HS3ST4: variants seen among roughly 807,000 people sequenced by gnomAD.
HS3ST4 encodes heparan sulfate glucosamine 3-O-sulfotransferase 4.
A neutral mutation model predicts 29.2 loss-of-function variants in HS3ST4; 17 were observed. The observed-to-expected ratio is 0.58, with a 90% CI of 0.40 to 0.87. The LOEUF (loss-of-function observed/expected upper bound fraction) is 0.87, where lower values mean the gene tolerates loss of function less well. HS3ST4 is among the 40% of genes least tolerant of loss of function. The pLI, the probability that HS3ST4 is intolerant of heterozygous loss-of-function variation, is 0.00. For missense variants in HS3ST4, 627 were observed against 634.5 expected, an observed-to-expected ratio of 0.99 and a Z score of 0.13; for synonymous variants, 314 against 285.7, an observed-to-expected ratio of 1.10 and a Z score of -1.00.
chr16:26,032,882 G>A, intron 1 of HS3ST4: 2 of 1,386,584 alleles, frequency 1.4e-6, no homozygotes, highest in Non-Finnish European at 2.0e-6. Context: ...GCTTTGGTCG[G>A]TCTGGGGGTC....
At chr16:25,792,704 T>C (rs1966871875) in intron 1 of HS3ST4, among the ~76,000 whole-genome samples, 2 of 148,384 alleles carry the variant, frequency 1.3e-5, no homozygotes, top group Non-Finnish European at 3.0e-5. Flanking sequence ...TGACCAGTTT[T>C]GTTAGGTGTT....
intron 1 of HS3ST4, among the ~76,000 whole-genome samples, chr16:26,043,132 G>A (rs1288177433): frequency 6.6e-6 from 1 of 152,118 alleles, no homozygotes; most frequent in Non-Finnish European, 1.5e-5. Context: ...TGTGCGTGTA[G>A]TAGCTTTCAA....
intron 1 of HS3ST4, among the ~76,000 whole-genome samples, chr16:26,070,366 T>C (rs1016349265): frequency 6.6e-6 from 1 of 152,192 alleles, no homozygotes; most frequent in Non-Finnish European, 1.5e-5. Flanking sequence ...TTTTGAGAAG[T>C]GTCTGTTCAT....
At chr16:26,021,540 C>T (rs1483604554) in intron 1 of HS3ST4, among the ~76,000 whole-genome samples, 1 of 152,204 alleles carries the variant, frequency 6.6e-6, no homozygotes, top group Non-Finnish European at 1.5e-5. Flanking sequence ...ATGAATACAA[C>T]AGAGACCCAC....
chr16:25,771,771 G>A (rs986515421), intron 1 of HS3ST4, among the ~76,000 whole-genome samples: 12 of 152,288 alleles, frequency 7.9e-5, no homozygotes, highest in Middle Eastern at 3.4e-3. Flanking sequence ...AACAGAGTAG[G>A]TGCTCAAGGG....
intron 1 of HS3ST4, among the ~76,000 whole-genome samples, chr16:25,944,053 C>T (rs1209574813): frequency 6.6e-6 from 1 of 152,024 alleles, no homozygotes; most frequent in East Asian, 1.9e-4. Context: ...TGTTACTTTC[C>T]TCCTCCTCCC....
chr16:26,121,369 G>T (rs1214749638), intron 1 of HS3ST4, among the ~76,000 whole-genome samples: 1 of 152,190 alleles, frequency 6.6e-6, no homozygotes, highest in African/African-American at 2.4e-5. Flanking sequence ...AAAGTAAAGG[G>T]TGTTCCAGGA....
chr16:25,939,321 TATTATTATC>T (rs879871606), intron 1 of HS3ST4, among the ~76,000 whole-genome samples: 1,918 of 41,896 alleles, frequency 0.046, 24 homozygotes, highest in African/African-American at 0.1. Context: ...TTATTATTAT[TATTATTATC>T]ATTATTATTA....
At chr16:25,781,676 G>A (rs1444292100) in intron 1 of HS3ST4, among the ~76,000 whole-genome samples, 1 of 152,132 alleles carries the variant, frequency 6.6e-6, no homozygotes, top group African/African-American at 2.4e-5. Context: ...CCCCACAGCT[G>A]GTATGTGATA....
At chr16:25,820,019 A>C (rs1967132793) in intron 1 of HS3ST4, among the ~76,000 whole-genome samples, 1 of 92,188 alleles carries the variant, frequency 1.1e-5, no homozygotes, top group South Asian at 2.9e-4. Context: ...TCAAAAAAAA[A>C]AAAAAAAAAA....
At chr16:26,046,591 T>C (rs1220746066) in intron 1 of HS3ST4, among the ~76,000 whole-genome samples, 1 of 152,210 alleles carries the variant, frequency 6.6e-6, no homozygotes, top group Non-Finnish European at 1.5e-5. Context: ...GTCAGTGATA[T>C]TCACCACCCT....
At chr16:25,700,655 C>T (rs1365487323) in intron 1 of HS3ST4, among the ~76,000 whole-genome samples, 1 of 152,098 alleles carries the variant, frequency 6.6e-6, no homozygotes, top group Non-Finnish European at 1.5e-5. Flanking sequence ...AATGGATGAT[C>T]TCTCTGGAAT....
At chr16:25,856,984 G>C (rs143150969) in intron 1 of HS3ST4, among the ~76,000 whole-genome samples, 1 of 152,164 alleles carries the variant, frequency 6.6e-6, no homozygotes, top group Non-Finnish European at 1.5e-5. Context: ...TTTGCAGCCA[G>C]CATCCGAAGT....
chr16:25,847,098 G>T, intron 1 of HS3ST4, among the ~76,000 whole-genome samples: 2 of 146,430 alleles, frequency 1.4e-5, no homozygotes, highest in Admixed American at 6.9e-5. Flanking sequence ...ACATCATATT[G>T]GAATTCTTAG....
chr16:25,732,857 CCTT>C (rs1361032676), intron 1 of HS3ST4, among the ~76,000 whole-genome samples: 1 of 152,192 alleles, frequency 6.6e-6, no homozygotes, highest in African/African-American at 2.4e-5. Flanking sequence ...AATAGTTCCT[CCTT>C]CTTAGTATTG....
intron 1 of HS3ST4, among the ~76,000 whole-genome samples, chr16:25,988,146 T>C (rs1394535433): frequency 6.6e-6 from 1 of 152,334 alleles, no homozygotes; most frequent in East Asian, 1.9e-4. Context: ...TTCATCTGAC[T>C]TCGTCTGCAC....
At chr16:26,092,980 C>G (rs1376213025) in intron 1 of HS3ST4, among the ~76,000 whole-genome samples, 1 of 152,214 alleles carries the variant, frequency 6.6e-6, no homozygotes, top group Non-Finnish European at 1.5e-5. Flanking sequence ...CAGAGCCTTG[C>G]TCACTGCTAG....
At chr16:25,808,504 A>G (rs983314448) in intron 1 of HS3ST4, among the ~76,000 whole-genome samples, 7 of 152,154 alleles carry the variant, frequency 4.6e-5, no homozygotes, top group African/African-American at 1.7e-4. Context: ...ATACCACACT[A>G]TCCTTATTAC....
intron 1 of HS3ST4, among the ~76,000 whole-genome samples, chr16:25,933,625 A>G (rs1023749163): frequency 6.6e-6 from 1 of 152,214 alleles, no homozygotes; most frequent in African/African-American, 2.4e-5. Flanking sequence ...CTATAAAGGA[A>G]TATCTGAGAC....
Sources: allele counts gnomAD v4.1 joint callset (sites outside exome capture counted in the v4.1 genomes callset), GRCh38; gene constraint gnomAD v4.1.1; transcripts MANE v1.5; gene names NCBI Gene and HGNC (gene_info 2026-07-23, HGNC 2026-07-21).